Variants in GNA13 observed in about 807,000 individuals in gnomAD.
The protein encoded by GNA13 is guanine nucleotide-binding protein subunit alpha-13.
A neutral mutation model predicts 33.5 loss-of-function variants in GNA13; 4 were observed. The observed-to-expected ratio is 0.12, with a 90% CI of 0.06 to 0.27. GNA13 has a LOEUF of 0.27. Ranked by LOEUF, GNA13 falls within the 10% of genes least tolerant of loss-of-function variation. The pLI, the probability that GNA13 is intolerant of heterozygous loss-of-function variation, is 1.00. For synonymous variants in GNA13, 176 were observed against 183.8 expected, an observed-to-expected ratio of 0.96 and a Z score of 0.34; for missense variants, 319 against 487.2, an observed-to-expected ratio of 0.65 and a Z score of 3.25.
intron 2 of GNA13, among the ~76,000 whole-genome samples, chr17:65,045,006 G>A (rs571743058): frequency 6.8e-6 from 1 of 146,248 alleles, no homozygotes; most frequent in Admixed American, 6.9e-5. Context: ...TCACGCCACT[G>A]CACTCTAGCG....
intron 2 of GNA13, among the ~76,000 whole-genome samples, chr17:65,021,656 A>G (rs1906586732): frequency 6.6e-6 from 1 of 152,222 alleles, no homozygotes; most frequent in Non-Finnish European, 1.5e-5. Context: ...AGAACACACA[A>G]GAAGAACTGA....
rs1048402832 is a variant in GNA13 at position 65,047,658 on chromosome 17, ATTC to A, written c.510+5841_510+5843del. Among the ~76,000 whole-genome samples the A allele has an allele frequency of 1.3e-4, 8 of 63,692 alleles. No individual in the cohort carries two copies. The Admixed American group carries it at 2.0e-3, about 16-fold the overall frequency. The allele number at this position is 63,692 out of a possible 152,430, so 41.8% of individuals were successfully genotyped here. On this transcript the variant is annotated intron_variant, in intron 2 of 3. Coordinates refer to ENST00000439174, the MANE Select transcript of GNA13 (RefSeq NM_006572.6). Reference sequence around the variant, plus strand: ...TAGCATTAATTAATAAATGACTCTGATTCTTTTTTTTTTTTAAGAGGGAGGGGG... The same window carrying A: ...TAGCATTAATTAATAAATGACTCTGATTTTTTTTTTTTAAGAGGGAGGGGG...
chr17:65,049,418 C>T (rs1907781906), intron 2 of GNA13, among the ~76,000 whole-genome samples: 1 of 152,078 alleles, frequency 6.6e-6, no homozygotes, highest in Non-Finnish European at 1.5e-5. Flanking sequence ...TTTTTTAGAA[C>T]ATCTTTGTAA....
intron 2 of GNA13, among the ~76,000 whole-genome samples, chr17:65,037,853 C>T (rs1907313517): frequency 6.8e-6 from 1 of 147,524 alleles, no homozygotes; most frequent in South Asian, 2.2e-4. Context: ...ACCCTTTCCC[C>T]GAGTAATCAT....
chr17:65,056,695 CG>C lies in GNA13; in HGVS notation c.-103del, dbSNP rs1444667688. The C allele has an allele frequency of 2.9e-6, 2 of 696,334 alleles. No homozygotes were observed. Among genetic ancestry groups the C allele is most frequent in the Middle Eastern group, 4.7e-4 (1 of 2,136 alleles). The allele number at this position is 696,334 out of a possible 1,614,324, so 43.1% of individuals were successfully genotyped here. A position where few individuals can be genotyped will look rare whatever the true frequency, so the allele number is the denominator to read the frequency against. Reference sequence around the variant, plus strand: ...CACCGAGGCTCGAGGGCGGGGAGCGCGGCGGCGGCCCGAGCGCGCCCAGGGA... The same window carrying C: ...CACCGAGGCTCGAGGGCGGGGAGCGCGCGGCGGCCCGAGCGCGCCCAGGGA... On this transcript the variant is annotated 5_prime_UTR_variant, in exon 1 of 4. Coordinates refer to ENST00000439174, the MANE Select transcript of GNA13 (RefSeq NM_006572.6).
intron 3 of GNA13, among the ~76,000 whole-genome samples, chr17:65,016,448 G>A (rs1225277414): frequency 3.9e-5 from 6 of 152,044 alleles, no homozygotes; most frequent in Non-Finnish European, 7.3e-5. Context: ...TGCAACCTGC[G>A]CCTCCCAGGT....
intron 2 of GNA13, among the ~76,000 whole-genome samples, chr17:65,040,280 T>C (rs928124058): frequency 6.6e-6 from 1 of 152,212 alleles, no homozygotes; most frequent in African/African-American, 2.4e-5. Context: ...TGTTCTAGTC[T>C]AGAGTTGAAA....
Position 65,035,205 on chromosome 17 carries a change from C to A in GNA13, c.511-16902G>T, listed in dbSNP as rs1241857834. On this transcript the variant is annotated intron_variant, in intron 2 of 3. Transcript: ENST00000439174. ...TGGTAATATTTACCCCATATTTGTT[C>A]CATGTTACCATTTAGCACCACTATC... 2.0e-5 allele frequency among the ~76,000 whole-genome samples: 3 copies of A among 152,120 alleles called. No homozygotes were observed. In the East Asian group the frequency reaches 5.8e-4, roughly 29 times the overall value.
At chr17:65,031,891 AGAGAAAG>A (rs1907037697) in intron 2 of GNA13, among the ~76,000 whole-genome samples, 1 of 42,308 alleles carries the variant, frequency 2.4e-5, no homozygotes, top group African/African-American at 4.7e-5. Context: ...AGAGAGAGAG[AGAGAAAG>A]AGAGAGAGAG....
At chr17:65,056,261 GCCCCAGCCCCCCTGCCCTTAAC>G in intron 1 of GNA13, 28 bp downstream of exon 1, 2 of 560,696 alleles carry the variant, frequency 3.6e-6, no homozygotes, top group African/African-American at 2.1e-5. Flanking sequence ...ACCCGCCGCC[GCCCCAGCCCCCCTGCCCTTAAC>G]CCCCGGCCCC....
intron 2 of GNA13, among the ~76,000 whole-genome samples, chr17:65,027,725 T>C (rs972859416): frequency 1.3e-5 from 2 of 152,194 alleles, no homozygotes; most frequent in Non-Finnish European, 2.9e-5. Flanking sequence ...AACACTGACA[T>C]GCTAATTTCT....
rs1240864177 is a variant in GNA13 at position 65,009,809 on chromosome 17, C to T, written c.*4448G>A. Reference sequence around the variant, plus strand: ...TTGCTTATACTGTGCAAGAATTAATCTCTACCCCTTTCTTTCCTAGTACCA... The same window carrying T: ...TTGCTTATACTGTGCAAGAATTAATTTCTACCCCTTTCTTTCCTAGTACCA... On this transcript the variant is annotated 3_prime_UTR_variant, in exon 4 of 4. Transcript: ENST00000439174. Among the ~76,000 whole-genome samples the T allele has an allele frequency of 1.3e-5, 2 of 152,202 alleles. No individual in the cohort carries two copies. Among genetic ancestry groups the T allele is most frequent in the Non-Finnish European group, 2.9e-5 (2 of 68,032 alleles).
rs550791475 is a variant in GNA13, at chr17:65,053,762, G to A, written c.284-34C>T. Reference sequence around the variant, plus strand: ...AAAAAGAAGAAAAAAAATGTATGGAGAGGAGTCATTACATATTATCATAAG... The same window carrying A: ...AAAAAGAAGAAAAAAAATGTATGGAAAGGAGTCATTACATATTATCATAAG... On this transcript the variant is annotated intron_variant, in intron 1 of 3. Coordinates refer to ENST00000439174, the MANE Select transcript of GNA13 (RefSeq NM_006572.6). The A allele has an allele frequency of 1.1e-4, 139 of 1,281,992 alleles. 2 individuals are homozygous for A. In the South Asian group the frequency reaches 1.6e-3, roughly 15 times the overall value. 79.4% of individuals were successfully genotyped at this position (1,281,992 alleles called of 1,614,324 possible).
intron 1 of GNA13, among the ~76,000 whole-genome samples, chr17:65,054,564 G>A (rs763530311): frequency 6.6e-5 from 10 of 152,132 alleles, no homozygotes; most frequent in Non-Finnish European, 1.0e-4. Flanking sequence ...TCCCACTTTG[G>A]CCTCCCAAAG....
chr17:65,009,476 C>T lies in GNA13; in HGVS notation c.*4781G>A, dbSNP rs1295753942. Among the ~76,000 whole-genome samples, 1 of 152,050 alleles carries T rather than the reference C, an allele frequency of 6.6e-6. No individual in the cohort carries two copies. Among genetic ancestry groups the T allele is most frequent in the Non-Finnish European group, 1.5e-5 (1 of 68,018 alleles). On this transcript the variant is annotated 3_prime_UTR_variant, in exon 4 of 4. Coordinates refer to ENST00000439174, the MANE Select transcript of GNA13 (RefSeq NM_006572.6). Reference sequence around the variant, plus strand: ...CTTTAGAAATAATTTATTGCCCATCCTGAACTAAAGCACTGACAAAAAAAT... The same window carrying T: ...CTTTAGAAATAATTTATTGCCCATCTTGAACTAAAGCACTGACAAAAAAAT...
At chr17:65,027,044 C>G (rs1241697112) in intron 2 of GNA13, among the ~76,000 whole-genome samples, 4 of 152,172 alleles carry the variant, frequency 2.6e-5, no homozygotes, top group Admixed American at 2.6e-4. Flanking sequence ...TCCCAAAATG[C>G]TGGGATTACA....
chr17:65,020,267 A>G (rs1906535158), intron 2 of GNA13, among the ~76,000 whole-genome samples: 1 of 152,248 alleles, frequency 6.6e-6, no homozygotes, highest in South Asian at 2.1e-4. Context: ...GTTAAGGAAC[A>G]GATGTGAATT....
At chr17:65,040,924 G>A (rs1229236308) in intron 2 of GNA13, among the ~76,000 whole-genome samples, 1 of 152,196 alleles carries the variant, frequency 6.6e-6, no homozygotes, top group African/African-American at 2.4e-5. Flanking sequence ...CAACTCTCTA[G>A]CAACATGGAA....
At chr17:65,026,082 C>T (rs1171775669) in intron 2 of GNA13, among the ~76,000 whole-genome samples, 1 of 151,850 alleles carries the variant, frequency 6.6e-6, no homozygotes, top group Non-Finnish European at 1.5e-5. Context: ...GAGAGGCCTA[C>T]TCTGCCAAAC....
Sources: allele counts gnomAD v4.1 joint callset (sites outside exome capture counted in the v4.1 genomes callset), GRCh38; gene constraint gnomAD v4.1.1; transcripts MANE v1.5; gene names NCBI Gene and HGNC (gene_info 2026-07-23, HGNC 2026-07-21).